Variants in OLR1 observed in about 807,000 individuals in gnomAD.
The protein encoded by OLR1 is oxidized low-density lipoprotein receptor 1.
Under a neutral mutation model 31.7 loss-of-function variants are expected in OLR1, and 23 were observed. The observed-to-expected ratio is 0.72, with a 90% CI of 0.52 to 1.03. The LOEUF (loss-of-function observed/expected upper bound fraction) is 1.03, where lower values mean the gene tolerates loss of function less well. Ranked by LOEUF, OLR1 falls within the 50% of genes least tolerant of loss-of-function variation. The pLI, the probability that OLR1 is intolerant of heterozygous loss-of-function variation, is 0.00. For missense variants in OLR1, 286 were observed against 315.7 expected (o/e 0.91, Z 0.71); for synonymous variants, 117 against 115.8 (o/e 1.01, Z -0.07).
intron 3 of OLR1, among the ~76,000 whole-genome samples, chr12:10,163,315 C>G (rs140435914): frequency 6.6e-6 from 1 of 151,968 alleles, no homozygotes; most frequent in Non-Finnish European, 1.5e-5. Flanking sequence ...GTGCTGCTCT[C>G]GAGACATTTT....
intron 3 of OLR1, among the ~76,000 whole-genome samples, chr12:10,165,461 G>A (rs145755539): frequency 2.3e-4 from 35 of 151,944 alleles, no homozygotes; most frequent in African/African-American, 8.2e-4. Context: ...ATAAGTTGAT[G>A]TAGTACACTT....
intron 3 of OLR1, among the ~76,000 whole-genome samples, chr12:10,164,462 G>A (rs1342348975): frequency 1.3e-5 from 2 of 152,062 alleles, no homozygotes; most frequent in African/African-American, 2.4e-5. Flanking sequence ...CACTTTATCC[G>A]GGTCTCAGTG....
intron 1 of OLR1, chr12:10,170,264 A>G (rs1318858721): frequency 6.6e-6 from 1 of 152,242 alleles, no homozygotes; most frequent in Non-Finnish European, 1.5e-5. Context: ...TGATAAAAAG[A>G]AGATAGAAAC....
intron 3 of OLR1, among the ~76,000 whole-genome samples, chr12:10,161,819 G>C (rs540902856): frequency 6.6e-6 from 1 of 151,846 alleles, no homozygotes; most frequent in Non-Finnish European, 1.5e-5. Flanking sequence ...ATACTGATTA[G>C]TATTGAAATA....
At chr12:10,174,838 G>A (rs1948754094), upstream of OLR1, among the ~76,000 whole-genome samples, 1 of 152,046 alleles carries the variant, frequency 6.6e-6, no homozygotes, top group Admixed American at 6.6e-5. Flanking sequence ...TATAATATTT[G>A]TCCTTTTGTA....
chr12:10,166,631 G>C, intron 3 of OLR1, 81 bp downstream of exon 3: 1 of 1,498,332 alleles, frequency 6.7e-7, no homozygotes, highest in Non-Finnish European at 9.2e-7. Context: ...CCAATTTTGA[G>C]CCCAGAATTG....
intron 1 of OLR1, 42 bp downstream of exon 1, chr12:10,171,960 A>C: frequency 6.9e-7 from 1 of 1,456,210 alleles, no homozygotes; most frequent in Non-Finnish European, 9.6e-7. Flanking sequence ...TGGGGCTAAC[A>C]CTGGGATTCT....
upstream of OLR1, chr12:10,175,505 GT>G (rs1368811923): frequency 6.6e-6 from 1 of 152,170 alleles, no homozygotes; most frequent in Non-Finnish European, 1.5e-5. Flanking sequence ...AAAGTACATT[GT>G]TTTACCTTGC....
chr12:10,165,570 G>A (rs1023809893), intron 3 of OLR1, among the ~76,000 whole-genome samples: 1 of 152,076 alleles, frequency 6.6e-6, no homozygotes, highest in African/African-American at 2.4e-5. Context: ...TGATTAAAAT[G>A]CATTGGAATG....
In OLR1 at chr12:10,160,462, C is replaced by A; in HGVS notation, c.565G>T (p.Asp189Tyr). The A allele has an allele frequency of 6.2e-7, 1 of 1,607,808 alleles. No individual in the cohort carries two copies. Among genetic ancestry groups the A allele is most frequent in the Non-Finnish European group, 8.5e-7 (1 of 1,175,472 alleles). Reference protein sequence around the residue: ...LLKINSTADLDFIQQAISYSS... With the variant: ...LLKINSTADLYFIQQAISYSS... The stretch of plus-strand genomic sequence containing the variant: ...TAGGAAATTGCTTGCTGGATGAAGT[C>A]CTGTGGGGAGTAATGTTTCTGAGTT... The change falls in exon 5 of 6, where the codon GAC (aspartate) becomes TAC (tyrosine). Residue 189 changes from aspartate to tyrosine, a missense_variant and splice_region_variant. Physicochemically the swap from Asp to Tyr is radical, Grantham distance 160. Coordinates refer to ENST00000309539, the MANE Select transcript of OLR1 (RefSeq NM_002543.4).
intron 3 of OLR1, among the ~76,000 whole-genome samples, chr12:10,161,362 G>T (rs1948618348): frequency 6.6e-6 from 1 of 152,070 alleles, no homozygotes; most frequent in Non-Finnish European, 1.5e-5. Context: ...AAGTTGTGTT[G>T]GAAATAAAGA....
intron 2 of OLR1, among the ~76,000 whole-genome samples, chr12:10,167,923 C>T (rs1948676288): frequency 6.6e-6 from 1 of 152,180 alleles, no homozygotes; most frequent in South Asian, 2.1e-4. Context: ...GGTTTGAAGG[C>T]AGCTTTGATC....
chr12:10,169,347 C>T (rs757344476), intron 1 of OLR1, among the ~76,000 whole-genome samples, 172 bp from the exon 2 acceptor site: 4 of 152,154 alleles, frequency 2.6e-5, no homozygotes, highest in Non-Finnish European at 5.9e-5. Context: ...GCAAATAATT[C>T]ATCATACACA....
In OLR1 at chr12:10,158,342, A is replaced by C. The variant is rs989574892; in HGVS notation, c.*1538T>G. On this transcript the variant is annotated 3_prime_UTR_variant, in exon 6 of 6. Coordinates refer to ENST00000309539, the MANE Select transcript of OLR1 (RefSeq NM_002543.4). ...ACAGCAGCTTTATTTGTAATATCCC[A>C]AAACTAAAACAACCCAAATGTCATC... 2 of 152,232 alleles carry C rather than the reference A, an allele frequency of 1.3e-5. No homozygotes were observed. Among genetic ancestry groups the C allele is most frequent in the African/African-American group, 4.8e-5 (2 of 41,456 alleles). The allele number at this position is 152,232 out of a possible 1,614,324, so 9.4% of individuals were successfully genotyped here. A position where few individuals can be genotyped will look rare whatever the true frequency, so the allele number is the denominator to read the frequency against.
rs757079524 is a variant in OLR1, at chr12:10,172,106, T to C, written c.-29A>G. On this transcript the variant is annotated 5_prime_UTR_variant, in exon 1 of 6. Transcript: ENST00000309539. ...CAAATTCAAGCTAAGAATGAGAGAGTGAAGCAGTCACGAACTTCAACAAAC... is the reference window on the plus strand; with the variant it reads ...CAAATTCAAGCTAAGAATGAGAGAGCGAAGCAGTCACGAACTTCAACAAAC... 8 of 1,562,080 alleles carry C rather than the reference T, an allele frequency of 5.1e-6. No individual in the cohort carries two copies. The highest frequency in any genetic ancestry group is 6.2e-6 in the Non-Finnish European group (7 of 1,133,576).
In OLR1 at chr12:10,172,073, G is replaced by C; in HGVS notation, c.5C>G (p.Thr2Ser). Residue 2 changes from threonine to serine, a missense_variant, in exon 1 of 6, where the codon ACT (threonine) becomes AGT (serine). Physicochemically the swap from Thr to Ser is moderately conservative, Grantham distance 58 (BLOSUM62 1). Coordinates refer to ENST00000309539, the MANE Select transcript of OLR1 (RefSeq NM_002543.4). ...AGTCTGGATCTTTAGGTCATCAAAAGTCATTTCCAAATTCAAGCTAAGAAT... is the reference window on the plus strand; with the variant it reads ...AGTCTGGATCTTTAGGTCATCAAAACTCATTTCCAAATTCAAGCTAAGAAT... M[T>S]FDDLKIQTVK... 6.2e-7 allele frequency: 1 copy of C among 1,613,014 alleles called. No individual in the cohort carries two copies.
At chr12:10,171,630 G>T (rs1053071194) in intron 1 of OLR1, among the ~76,000 whole-genome samples, 4 of 152,138 alleles carry the variant, frequency 2.6e-5, no homozygotes. Context: ...TACAGTCCTA[G>T]CTCTACCACT....
Position 10,163,303 on chromosome 12 carries a change from C to T in OLR1, c.425-2378G>A, listed in dbSNP as rs185759667. The stretch of plus-strand genomic sequence containing the variant: ...TAAAACCATTTGAGGAAGTGTTTCT[C>T]GGTGCTGCTCTCGAGACATTTTGAT... On this transcript the variant is annotated intron_variant, in intron 3 of 5. Transcript: ENST00000309539. Among the ~76,000 whole-genome samples the T allele has an allele frequency of 2.3e-3, 346 of 152,154 alleles. 1 individual carries two copies. Among genetic ancestry groups the T allele is most frequent in the African/African-American group, 8.1e-3 (336 of 41,498 alleles).
chr12:10,171,992 T>A lies in OLR1; in HGVS notation c.76+10A>T. On this transcript the variant is annotated intron_variant, in intron 1 of 5. Coordinates refer to ENST00000309539, the MANE Select transcript of OLR1 (RefSeq NM_002543.4). ...TTCTTTCCCTGTACACATTTTCCCA[T>A]CCCTAGTACCTTTAGCTTTTTTTCC... is the stretch of plus-strand genomic sequence containing the variant. The A allele has an allele frequency of 5.6e-6, 9 of 1,604,968 alleles. No individual in the cohort carries two copies. The highest frequency in any genetic ancestry group is 7.7e-6 in the Non-Finnish European group (9 of 1,171,890).
Sources: gnomAD v4.1 joint callset for allele counts (sites outside exome capture counted in the v4.1 genomes callset) on GRCh38, gnomAD v4.1.1 for gene constraint, MANE v1.5 for transcripts, NCBI Gene and HGNC (gene_info 2026-07-23, HGNC 2026-07-21) for gene names.